Variants in ARHGAP25 observed in about 807,000 individuals in gnomAD.
ARHGAP25 encodes the protein Rho GTPase activating protein 25, also known as rho GTPase-activating protein 25.
In ARHGAP25, 34 loss-of-function variants were observed where a neutral mutation model predicts 71.0. The observed-to-expected ratio is 0.48, with a 90% CI of 0.36 to 0.64. The LOEUF is 0.64. Ranked by LOEUF, ARHGAP25 falls within the 30% of genes least tolerant of loss-of-function variation. The pLI is 0.00. For synonymous variants in ARHGAP25, 282 were observed against 296.5 expected (o/e 0.95, Z 0.50); for missense variants, 706 against 805.1 (o/e 0.88, Z 1.49).
upstream of ARHGAP25, among the ~76,000 whole-genome samples, chr2:68,731,765 A>G (rs1675026206): frequency 6.6e-6 from 1 of 152,040 alleles, no homozygotes; most frequent in Non-Finnish European, 1.5e-5. Flanking sequence ...CACTTCTTCC[A>G]GGAACCCTTC....
In ARHGAP25 at chr2:68,787,872, T is replaced by C. The variant is rs1034979824; in HGVS notation, c.382T>C (p.Ser128Pro). ...SWDQNRMGQD[S>P]YVLMASSQAE... ...GGACCAGAATCGCATGGGACAGGAC[T>C]CCTATGTCCTCATGGCCAGCTCTCA... Residue 128 changes from serine to proline, a missense_variant, in exon 4 of 11, where the codon TCC (serine) becomes CCC (proline). Ser to Pro is a moderately conservative substitution (Grantham distance 74, BLOSUM62 -1). Transcript: ENST00000409202. 5.6e-6 allele frequency: 9 copies of C among 1,614,088 alleles called. No homozygotes were observed. Among genetic ancestry groups the C allele is most frequent in the Non-Finnish European group, 6.8e-6 (8 of 1,180,026 alleles).
chr2:68,796,866 T>C (rs1334416799), intron 4 of ARHGAP25, among the ~76,000 whole-genome samples: 2 of 151,976 alleles, frequency 1.3e-5, no homozygotes, highest in Non-Finnish European at 2.9e-5. Flanking sequence ...GCGAGGATGG[T>C]GGGGGCAGTG....
chr2:68,719,578 C>T (rs750289738), intron 2 of ARHGAP25, among the ~76,000 whole-genome samples: 6 of 151,896 alleles, frequency 4.0e-5, no homozygotes, highest in Non-Finnish European at 7.4e-5. Context: ...AACACATTCT[C>T]ATGTTCTAGG....
At chr2:68,805,266 A>G (rs1680279792) in intron 4 of ARHGAP25, among the ~76,000 whole-genome samples, 1 of 152,178 alleles carries the variant, frequency 6.6e-6, no homozygotes, top group Non-Finnish European at 1.5e-5. Flanking sequence ...CCAGGAAAGC[A>G]GGTGGGTGCC....
chr2:68,812,037 T>A (rs1395632946), intron 5 of ARHGAP25, among the ~76,000 whole-genome samples: 3 of 152,236 alleles, frequency 2.0e-5, no homozygotes, highest in African/African-American at 7.2e-5. Context: ...CTTGTAGTGT[T>A]GCAGAATCAA....
intron 2 of ARHGAP25, among the ~76,000 whole-genome samples, chr2:68,719,586 A>G (rs1674703756): frequency 6.6e-6 from 1 of 152,096 alleles, no homozygotes; most frequent in African/African-American, 2.4e-5. Flanking sequence ...CTCATGTTCT[A>G]GGGATTAGGA....
At chr2:68,812,448 C>G (rs1050269810) in intron 5 of ARHGAP25, among the ~76,000 whole-genome samples, 5 of 152,210 alleles carry the variant, frequency 3.3e-5, no homozygotes, top group Non-Finnish European at 7.3e-5. Context: ...GGGGAGGCGT[C>G]CTCTCCTCAT....
intron 2 of ARHGAP25, 47 bp from the exon 3 acceptor site, chr2:68,782,186 A>G (rs1450656982): frequency 6.4e-7 from 1 of 1,552,180 alleles, no homozygotes; most frequent in East Asian, 2.2e-5. Context: ...ATTTTAGTTT[A>G]TATTAAATTG....
chr2:68,761,075 A>T (rs1676782082), intron 1 of ARHGAP25, among the ~76,000 whole-genome samples: 1 of 152,018 alleles, frequency 6.6e-6, no homozygotes, highest in Non-Finnish European at 1.5e-5. Flanking sequence ...CACATATATG[A>T]CCTCACATAT....
chr2:68,824,414 A>G (rs1681939448), intron 10 of ARHGAP25, among the ~76,000 whole-genome samples: 1 of 152,208 alleles, frequency 6.6e-6, no homozygotes, highest in Admixed American at 6.5e-5. Context: ...GGGTACAGAG[A>G]ACTTGGAGAA....
At chr2:68,771,787 T>C (rs4627610) in intron 1 of ARHGAP25, among the ~76,000 whole-genome samples, 128,048 of 152,230 alleles carry the variant, frequency 0.84, 54,238 homozygotes, top group African/African-American at 0.88. Flanking sequence ...GGCCCAGTGC[T>C]CATAGTTACA....
At chr2:68,816,110 C>A (rs1249235790) in intron 6 of ARHGAP25, 179 bp from the exon 7 acceptor site, 2 of 664,568 alleles carry the variant, frequency 3.0e-6, no homozygotes, top group Admixed American at 2.3e-5. Context: ...AAAAAAAATT[C>A]TGTGAGAATT....
chr2:68,756,138 C>G (rs1299435092), intron 1 of ARHGAP25, among the ~76,000 whole-genome samples: 2 of 152,194 alleles, frequency 1.3e-5, no homozygotes, highest in Non-Finnish European at 1.5e-5. Context: ...GTGAGTTGTA[C>G]TTAATTTCAG....
chr2:68,731,692 C>G (rs1675023536), upstream of ARHGAP25, among the ~76,000 whole-genome samples: 1 of 152,024 alleles, frequency 6.6e-6, no homozygotes, highest in African/African-American at 2.4e-5. Flanking sequence ...TTGGTTTTGT[C>G]TGGAATCCTT....
At position 68,826,546 on chromosome 2, in the gene ARHGAP25, G is replaced by GT. The variant is rs1396788543; in HGVS notation, c.*358dup. 3.5e-5 allele frequency: 13 copies of GT among 374,792 alleles called. No homozygotes were observed. Among genetic ancestry groups the GT allele is most frequent in the East Asian group, 3.4e-4 (5 of 14,852 alleles). The allele number at this position is 374,792 out of a possible 1,614,324, so 23.2% of individuals were successfully genotyped here. On this transcript the variant is annotated 3_prime_UTR_variant, in exon 11 of 11. Transcript: ENST00000409202. ...TGGACTAAGGTGTGATTAATTCTTT[G>GT]TTTTTTGTGTGGAACAGCTCACCTT...
At chr2:68,804,758 T>A (rs1680243194) in intron 4 of ARHGAP25, among the ~76,000 whole-genome samples, 1 of 152,230 alleles carries the variant, frequency 6.6e-6, no homozygotes, top group African/African-American at 2.4e-5. Flanking sequence ...TATTAGTGTT[T>A]AAACTAAAGA....
At chr2:68,795,145 G>A (rs1358439322) in intron 4 of ARHGAP25, among the ~76,000 whole-genome samples, 1 of 151,714 alleles carries the variant, frequency 6.6e-6, no homozygotes, top group Non-Finnish European at 1.5e-5. Flanking sequence ...TGATTTGTTT[G>A]TTTGGATCTC....
At chr2:68,788,013 A>G in intron 4 of ARHGAP25, 57 bp downstream of exon 4, 1 of 1,357,324 alleles carries the variant, frequency 7.4e-7, no homozygotes, top group Non-Finnish European at 1.1e-6. Flanking sequence ...AGAAAGTAGG[A>G]AGTAGCTCCA....
At chr2:68,716,333 G>C (rs1674607731) in intron 2 of ARHGAP25, among the ~76,000 whole-genome samples, 2 of 152,220 alleles carry the variant, frequency 1.3e-5, no homozygotes, top group African/African-American at 4.8e-5. Context: ...AGTGGAGGAG[G>C]AGAGCTGCCC....
Sources: allele counts gnomAD v4.1 joint callset (sites outside exome capture counted in the v4.1 genomes callset), GRCh38; gene constraint gnomAD v4.1.1; transcripts MANE v1.5; gene names NCBI Gene and HGNC (gene_info 2026-07-23, HGNC 2026-07-21).